The following PLCB4 variants were observed in gnomAD, a reference collection of about 807,000 sequenced individuals.
PLCB4 encodes the protein phospholipase C beta 4.
PLCB4 carries 77 observed loss-of-function variants against 178.8 expected under a neutral mutation model. The observed-to-expected ratio is 0.43, with a 90% CI of 0.36 to 0.52. PLCB4 has a LOEUF of 0.52. PLCB4 is among the 20% of genes least tolerant of loss of function. The pLI, the probability that PLCB4 is intolerant of heterozygous loss-of-function variation, is 0.00. For synonymous variants in PLCB4, 496 were observed against 490.8 expected (o/e 1.01, Z -0.14); for missense variants, 1,024 against 1,453.4 (o/e 0.70, Z 4.80).
In PLCB4 at chr20:9,284,270, G is replaced by A. The variant is rs1021411026; in HGVS notation, c.-15-23530G>A. Among the ~76,000 whole-genome samples the A allele has an allele frequency of 1.7e-4, 26 of 151,944 alleles. 1 individual carries two copies. Among genetic ancestry groups the A allele is most frequent in the African/African-American group, 6.0e-4 (25 of 41,412 alleles). ...TGATCTGCAGGCAGTGAGCCATGCC[G>A]ATATTTAGGGAAGAATGGTCTAAAC... is the stretch of plus-strand genomic sequence containing the variant. On this transcript the variant is annotated intron_variant, in intron 3 of 39. Transcript: ENST00000378473.
chr20:9,462,370 C>T (rs1367318541), intron 35 of PLCB4, among the ~76,000 whole-genome samples: 6 of 152,150 alleles, frequency 3.9e-5, no homozygotes, highest in East Asian at 1.9e-4. Context: ...TCCAAAGGAT[C>T]GCAGCTCCTT....
intron 3 of PLCB4, among the ~76,000 whole-genome samples, chr20:9,281,525 A>G (rs1006897562): frequency 6.6e-6 from 1 of 152,022 alleles, no homozygotes; most frequent in African/African-American, 2.4e-5. Context: ...TTTCAAAGTA[A>G]TTCAACTGAA....
chr20:9,431,629 C>T (rs1053398362), intron 28 of PLCB4, among the ~76,000 whole-genome samples: 3 of 146,114 alleles, frequency 2.1e-5, no homozygotes, highest in Admixed American at 1.4e-4. Context: ...CCACACGGGG[C>T]CAATTTGTGT....
chr20:9,411,237 T>A, intron 25 of PLCB4, 149 bp downstream of exon 25: 1 of 607,216 alleles, frequency 1.6e-6, no homozygotes, highest in Non-Finnish European at 2.9e-6. Context: ...CTAGAGAATA[T>A]TTGCACATAT....
intron 24 of PLCB4, among the ~76,000 whole-genome samples, 154 bp downstream of exon 24, chr20:9,409,335 A>C (rs934970383): frequency 6.8e-6 from 1 of 147,344 alleles, no homozygotes; most frequent in African/African-American, 2.6e-5. Context: ...GTGAGAAATA[A>C]AAAAAAAAAA....
chr20:9,137,745 G>GTTTTTTTTTTTT (rs10717027), intron 2 of PLCB4, among the ~76,000 whole-genome samples: 1 of 139,994 alleles, frequency 7.1e-6, no homozygotes. Context: ...TTTTTCTCAA[G>GTTTTTTTTTTTT]TTTTTTTTTT....
chr20:9,240,033 C>T (rs1198249309), intron 3 of PLCB4, among the ~76,000 whole-genome samples: 1 of 152,178 alleles, frequency 6.6e-6, no homozygotes, highest in Non-Finnish European at 1.5e-5. Context: ...GGTGGGTCTG[C>T]CTCTCCCAGT....
chr20:9,280,521 G>C (rs971466836), intron 3 of PLCB4: 13 of 904,124 alleles, frequency 1.4e-5, no homozygotes, highest in Non-Finnish European at 1.7e-5. Context: ...CATCCCATTA[G>C]TTGAAGTTAG....
chr20:9,466,890 A>C (rs1213301628), intron 35 of PLCB4, among the ~76,000 whole-genome samples: 1 of 152,182 alleles, frequency 6.6e-6, no homozygotes, highest in Non-Finnish European at 1.5e-5. Context: ...AAGGATCTAG[A>C]ACTAGAAATC....
At chr20:9,175,182 T>C (rs565413064) in intron 2 of PLCB4, among the ~76,000 whole-genome samples, 338 of 152,248 alleles carry the variant, frequency 2.2e-3, no homozygotes, top group African/African-American at 8.0e-3. Context: ...GCTCTGGGGA[T>C]GGGGCCCAGA....
At chr20:9,295,355 A>T (rs182235733) in intron 3 of PLCB4, among the ~76,000 whole-genome samples, 21 of 152,234 alleles carry the variant, frequency 1.4e-4, no homozygotes, top group Admixed American at 4.6e-4. Context: ...GAAAACAGTG[A>T]CAAGTTCTAC....
intron 27 of PLCB4, among the ~76,000 whole-genome samples, chr20:9,423,157 C>T (rs1296400543): frequency 6.6e-6 from 1 of 152,180 alleles, no homozygotes; most frequent in Non-Finnish European, 1.5e-5. Context: ...CCGCATCTTA[C>T]TCTATTTAAC....
At chr20:9,453,281 GC>G in intron 32 of PLCB4, 65 bp from the exon 33 acceptor site, 1 of 898,232 alleles carries the variant, frequency 1.1e-6, no homozygotes. Flanking sequence ...TGAAAGTTAT[GC>G]CAGCCCTATA....
At chr20:9,175,694 A>G (rs1186823948) in intron 2 of PLCB4, among the ~76,000 whole-genome samples, 1 of 152,088 alleles carries the variant, frequency 6.6e-6, no homozygotes, top group Non-Finnish European at 1.5e-5. Context: ...AGCTCACTCT[A>G]TAGAAAAAAA....
At chr20:9,239,252 A>C (rs2094028655) in intron 3 of PLCB4, among the ~76,000 whole-genome samples, 1 of 152,146 alleles carries the variant, frequency 6.6e-6, no homozygotes, top group Non-Finnish European at 1.5e-5. Flanking sequence ...ACTTCTTAAC[A>C]GTCCTCTTTT....
chr20:9,218,142 G>A (rs1031135385), intron 3 of PLCB4, among the ~76,000 whole-genome samples: 6 of 151,900 alleles, frequency 3.9e-5, no homozygotes, highest in Non-Finnish European at 7.4e-5. Flanking sequence ...CGGAATTCTC[G>A]CTCTGTCACC....
At chr20:9,408,211 C>T (rs914016226) in intron 22 of PLCB4, among the ~76,000 whole-genome samples, 153 bp downstream of exon 22, 20 of 152,114 alleles carry the variant, frequency 1.3e-4, no homozygotes, top group African/African-American at 4.8e-4. Flanking sequence ...TAGAAGCCAC[C>T]TTGGTATGTG....
intron 12 of PLCB4, among the ~76,000 whole-genome samples, chr20:9,378,539 T>TGTAG (rs1423839803): frequency 6.6e-6 from 1 of 152,088 alleles, no homozygotes; most frequent in Non-Finnish European, 1.5e-5. Context: ...CTAAACAAGG[T>TGTAG]GTAGCATGCC....
chr20:9,462,103 G>A (rs2122492591), intron 35 of PLCB4, among the ~76,000 whole-genome samples: 1 of 152,290 alleles, frequency 6.6e-6, no homozygotes, highest in African/African-American at 2.4e-5. Context: ...AGCCTCCGCT[G>A]GTGATACCCA....
Sources: gnomAD v4.1 joint callset for allele counts (sites outside exome capture counted in the v4.1 genomes callset) on GRCh38, gnomAD v4.1.1 for gene constraint, MANE v1.5 for transcripts, NCBI Gene and HGNC (gene_info 2026-07-23, HGNC 2026-07-21) for gene names.